TACC1: variants seen among roughly 807,000 people sequenced by gnomAD.
The protein encoded by TACC1 is transforming acidic coiled-coil containing protein 1.
Under a neutral mutation model 84.4 loss-of-function variants are expected in TACC1, and 48 were observed. That is an observed-to-expected ratio of 0.57 (90% confidence interval 0.45 to 0.72). The LOEUF is 0.72. Ranked by LOEUF, TACC1 falls within the 30% of genes least tolerant of loss-of-function variation. The pLI is 0.00. For synonymous variants in TACC1, 372 were observed against 376.3 expected (o/e 0.99, Z 0.13); for missense variants, 920 against 973.0 (o/e 0.95, Z 0.72).
At chr8:38,801,217 A>T (rs1162962316) in intron 2 of TACC1, among the ~76,000 whole-genome samples, 1 of 152,144 alleles carries the variant, frequency 6.6e-6, no homozygotes, top group African/African-American at 2.4e-5. Flanking sequence ...GAAGTGCAAA[A>T]GTTCTTAATT....
At chr8:38,767,565 T>C (rs1812477553) in intron 3 of TACC1, among the ~76,000 whole-genome samples, 1 of 152,220 alleles carries the variant, frequency 6.6e-6, no homozygotes, top group African/African-American at 2.4e-5. Context: ...TGGGCTTCTT[T>C]TACCTGTTTT....
At chr8:38,785,104 C>T (rs1054045073), upstream of TACC1, among the ~76,000 whole-genome samples, 7 of 131,922 alleles carry the variant, frequency 5.3e-5, no homozygotes, top group African/African-American at 1.4e-4. Context: ...GAAGGACGTT[C>T]GAGCAGCTGA....
chr8:38,834,612 G>T (rs1829873561), intron 6 of TACC1, among the ~76,000 whole-genome samples: 1 of 152,136 alleles, frequency 6.6e-6, no homozygotes, highest in Non-Finnish European at 1.5e-5. Context: ...AATGCTGCTG[G>T]AACATGGGCA....
intron 2 of TACC1, among the ~76,000 whole-genome samples, chr8:38,808,652 G>C (rs946601880): frequency 6.6e-6 from 1 of 152,182 alleles, no homozygotes; most frequent in East Asian, 1.9e-4. Flanking sequence ...TGGGCTCAAG[G>C]AACACCCCCT....
upstream of TACC1, chr8:38,785,565 C>T (rs781042729): frequency 4.6e-5 from 18 of 390,664 alleles, no homozygotes; most frequent in Non-Finnish European, 6.3e-5. Context: ...GGAACTATGT[C>T]AGTCACCACA....
rs374529275 is a variant in TACC1 at position 38,787,287 on chromosome 8, CG to C, written c.-293del. 37,282 of 1,107,576 alleles carry C rather than the reference CG, an allele frequency of 0.034. 718 individuals carry two copies. Among genetic ancestry groups the C allele is most frequent in the Non-Finnish European group, 0.038 (34,291 of 908,658 alleles). The allele number at this position is 1,107,576 out of a possible 1,614,324, so 68.6% of individuals were successfully genotyped here. ...GCAGAGGTCTAGCAGCCGGGCGCCG[CG>C]GGCCGGGGGCCTGAGGAGGCCACAG... On this transcript the variant is annotated 5_prime_UTR_variant, in exon 1 of 13. Coordinates refer to ENST00000317827, the MANE Select transcript of TACC1 (RefSeq NM_006283.3).
rs1488309398 is a variant in TACC1, at chr8:38,836,251, A to C, written c.1803A>C (p.Ser601=). The part of the protein sequence containing the change: ...SPLDGICLSE[S]DKTAVLTLIR... ...TGGATGGGATCTGCCTCAGCGAATC[A>C]GACAAGACAGCCGTGCTCACCTTAA... The change falls in exon 7 of 13, where the codon TCA becomes TCC. Residue 601 remains serine, a synonymous_variant. Coordinates refer to ENST00000317827, the MANE Select transcript of TACC1 (RefSeq NM_006283.3). 1 of 1,612,238 alleles carries C rather than the reference A, an allele frequency of 6.2e-7. No individual in the cohort carries two copies. The highest frequency in any genetic ancestry group is 8.5e-7 in the Non-Finnish European group (1 of 1,179,802).
At chr8:38,806,196 G>A (rs916305085) in intron 2 of TACC1, among the ~76,000 whole-genome samples, 3 of 152,138 alleles carry the variant, frequency 2.0e-5, no homozygotes, top group East Asian at 3.9e-4. Context: ...GCATGGCCCC[G>A]GGGGTCTGTA....
chr8:38,829,736 G>A (rs978123377), intron 5 of TACC1, among the ~76,000 whole-genome samples: 1 of 152,162 alleles, frequency 6.6e-6, no homozygotes, highest in Non-Finnish European at 1.5e-5. Context: ...GAGAGCTGGG[G>A]CCCTGTACAT....
chr8:38,795,361 C>G (rs934301421), intron 2 of TACC1, among the ~76,000 whole-genome samples: 1 of 152,150 alleles, frequency 6.6e-6, no homozygotes, highest in Non-Finnish European at 1.5e-5. Flanking sequence ...AAATCAAGAC[C>G]TTGCACTCCC....
At chr8:38,740,311 C>A (rs1806816894) in intron 1 of TACC1, among the ~76,000 whole-genome samples, 1 of 152,216 alleles carries the variant, frequency 6.6e-6, no homozygotes, top group South Asian at 2.1e-4. Context: ...TTTGCTCAAG[C>A]CTCTGCTTCC....
At chr8:38,814,392 A>G (rs532862087) in intron 2 of TACC1, among the ~76,000 whole-genome samples, 1 of 152,364 alleles carries the variant, frequency 6.6e-6, no homozygotes, top group Non-Finnish European at 1.5e-5. Context: ...TGATGTGATC[A>G]TGTAAGATTA....
intron 2 of TACC1, among the ~76,000 whole-genome samples, chr8:38,817,919 T>TAAAAA (rs60301511): frequency 6.3e-5 from 3 of 47,796 alleles, no homozygotes; most frequent in Non-Finnish European, 1.1e-4. Flanking sequence ...GAGAGACCCC[T>TAAAAA]AAAAAAAAAA....
At chr8:38,806,494 G>A (rs1346528934) in intron 2 of TACC1, among the ~76,000 whole-genome samples, 1 of 151,984 alleles carries the variant, frequency 6.6e-6, no homozygotes, top group African/African-American at 2.4e-5. Context: ...GAGAAAGAGA[G>A]AGAGGGAGAG....
At chr8:38,828,188 G>A (rs1310403188) in intron 5 of TACC1, 1 of 152,156 alleles carries the variant, frequency 6.6e-6, no homozygotes, top group Non-Finnish European at 1.5e-5. Flanking sequence ...CCATGTACAG[G>A]CATTGTTTTA....
Position 38,820,624 on chromosome 8 carries a change from G to T in TACC1, c.1380G>T (p.Ser460=), listed in dbSNP as rs745562383. The T allele has an allele frequency of 6.2e-7, 1 of 1,605,574 alleles. No homozygotes were observed. Among genetic ancestry groups the T allele is most frequent in the South Asian group, 1.1e-5 (1 of 91,026 alleles). ...EILESPKKAK[S]RLITSGCKVK... is the part of the protein sequence containing the mutation. ...TAGAATCACCCAAGAAGGCAAAGTC[G>T]CGTTTAATAACGTGAGTGACAGTGG... is the stretch of plus-strand genomic sequence containing the variant. The change falls in exon 3 of 13, where the codon TCG becomes TCT. Residue 460 remains serine, a synonymous_variant. Coordinates refer to ENST00000317827, the MANE Select transcript of TACC1 (RefSeq NM_006283.3).
At chr8:38,761,051 CT>C (rs1811117763) in intron 3 of TACC1, among the ~76,000 whole-genome samples, 1 of 152,120 alleles carries the variant, frequency 6.6e-6, no homozygotes, top group African/African-American at 2.4e-5. Flanking sequence ...AAGGCAATAA[CT>C]TTTTTGAGTT....
intron 2 of TACC1, among the ~76,000 whole-genome samples, chr8:38,811,775 GAAT>G (rs1181699959): frequency 6.6e-6 from 1 of 152,172 alleles, no homozygotes; most frequent in African/African-American, 2.4e-5. Context: ...AAAAAGAACA[GAAT>G]AACAGCGATT....
At chr8:38,753,960 G>GTTT (rs372572828) in intron 3 of TACC1, among the ~76,000 whole-genome samples, 1 of 94,254 alleles carries the variant, frequency 1.1e-5, no homozygotes, top group Non-Finnish European at 2.0e-5. Flanking sequence ...CATTTTTTGG[G>GTTT]TTTTTTTTTT....
Sources: allele counts gnomAD v4.1 joint callset (sites outside exome capture counted in the v4.1 genomes callset), GRCh38; gene constraint gnomAD v4.1.1; transcripts MANE v1.5; gene names NCBI Gene and HGNC (gene_info 2026-07-23, HGNC 2026-07-21).